Variants in LARGE1 observed in about 807,000 individuals in gnomAD.
LARGE1 encodes the protein xylosyl- and glucuronyltransferase LARGE1.
LARGE1 carries 43 observed loss-of-function variants against 87.6 expected under a neutral mutation model. That is an observed-to-expected ratio of 0.49 (90% CI 0.38 to 0.63). The LOEUF (loss-of-function observed/expected upper bound fraction) is 0.63. Among genes scored for constraint, LARGE1 ranks in the 30% least tolerant of loss-of-function variants. The probability of loss-of-function intolerance (pLI) is 0.00; values close to 1 mark genes in which losing one functional copy is unlikely to be tolerated. For synonymous variants in LARGE1, 434 were observed against 394.6 expected, an observed-to-expected ratio of 1.10 and a Z score of -1.18; for missense variants, 802 against 1,000.2, an observed-to-expected ratio of 0.80 and a Z score of 2.67.
intron 10 of LARGE1, among the ~76,000 whole-genome samples, chr22:33,336,037 T>C (rs1465080357): frequency 6.6e-6 from 1 of 152,184 alleles, no homozygotes; most frequent in Non-Finnish European, 1.5e-5. Flanking sequence ...CAGTAAATGT[T>C]TGCTGCCTAA....
chr22:33,350,807 C>T (rs887315391), intron 9 of LARGE1, among the ~76,000 whole-genome samples: 5 of 152,172 alleles, frequency 3.3e-5, no homozygotes, highest in Non-Finnish European at 7.3e-5. Context: ...TCAGTCATGC[C>T]TGACCAGCCA....
chr22:33,748,126 T>G (rs2084168310), intron 2 of LARGE1, among the ~76,000 whole-genome samples: 2 of 141,468 alleles, frequency 1.4e-5, no homozygotes, highest in Non-Finnish European at 3.0e-5. Flanking sequence ...TTCCTATCAA[T>G]GCAGGTTTGT....
At chr22:33,115,698 G>C in the LARGE1 span, among the ~76,000 whole-genome samples, 1 of 151,502 alleles carries the variant, frequency 6.6e-6, no homozygotes, top group East Asian at 1.9e-4. Flanking sequence ...CACACCTGTA[G>C]TCCCAGCTAC....
At chr22:33,207,511 C>T (rs2146224122) in intron 11 of LARGE1, among the ~76,000 whole-genome samples, 1 of 152,156 alleles carries the variant, frequency 6.6e-6, no homozygotes, top group East Asian at 1.9e-4. Context: ...CTATGGTACT[C>T]CTCCCCTGCT....
intron 3 of LARGE1, among the ~76,000 whole-genome samples, chr22:33,628,096 CCAAGAAGA>C (rs1156814063): frequency 6.6e-5 from 10 of 152,018 alleles, no homozygotes; most frequent in Admixed American, 2.0e-4. Flanking sequence ...ATACCTGCTC[CCAAGAAGA>C]AAGAGGAGGG....
At chr22:33,674,703 T>C (rs995730266) in intron 2 of LARGE1, among the ~76,000 whole-genome samples, 1 of 152,114 alleles carries the variant, frequency 6.6e-6, no homozygotes, top group Non-Finnish European at 1.5e-5. Flanking sequence ...CCATTGGTCC[T>C]TCAGATAAAG....
At chr22:33,832,566 C>T (rs115722368) in intron 1 of LARGE1, among the ~76,000 whole-genome samples, 2,350 of 152,314 alleles carry the variant, frequency 0.015, 69 homozygotes, top group African/African-American at 0.054. Context: ...CAGGCCTCAA[C>T]AGCATGGAAG....
At chr22:33,756,293 G>A (rs1055824847) in intron 2 of LARGE1, among the ~76,000 whole-genome samples, 1 of 152,190 alleles carries the variant, frequency 6.6e-6, no homozygotes, top group Admixed American at 6.5e-5. Flanking sequence ...CGGCACTACA[G>A]TAGGTGCTAG....
intron 6 of LARGE1, among the ~76,000 whole-genome samples, chr22:33,542,755 C>T (rs1228960212): frequency 2.0e-5 from 3 of 151,692 alleles, no homozygotes; most frequent in Non-Finnish European, 4.4e-5. Context: ...ACTGGGCCCA[C>T]CTACTCAAAT....
the LARGE1 span, among the ~76,000 whole-genome samples, chr22:33,100,349 CAAAAAAA>C: frequency 5.5e-4 from 36 of 65,312 alleles, no homozygotes; most frequent in Middle Eastern, 9.4e-3. Flanking sequence ...GACTCCATCT[CAAAAAAA>C]AAAAAAAAAA....
chr22:33,393,491 G>T (rs1025704417), intron 7 of LARGE1, among the ~76,000 whole-genome samples: 3 of 152,206 alleles, frequency 2.0e-5, no homozygotes, highest in Non-Finnish European at 4.4e-5. Flanking sequence ...AGTGACTACT[G>T]CTTCAAGTTA....
At chr22:33,916,557 A>C (rs1409663639) in intron 1 of LARGE1, among the ~76,000 whole-genome samples, 1 of 152,200 alleles carries the variant, frequency 6.6e-6, no homozygotes, top group Non-Finnish European at 1.5e-5. Flanking sequence ...CTCCATGTAG[A>C]GCGACCTCAC....
intron 2 of LARGE1, among the ~76,000 whole-genome samples, chr22:33,695,108 C>CTTTTT (rs71320988): frequency 7.1e-6 from 1 of 140,092 alleles, no homozygotes. Flanking sequence ...TTCTTTCTTT[C>CTTTTT]TTTTTTTTTT....
chr22:33,365,843 T>C (rs2064567475), intron 9 of LARGE1, among the ~76,000 whole-genome samples: 1 of 152,208 alleles, frequency 6.6e-6, no homozygotes, highest in Admixed American at 6.5e-5. Context: ...ATCGAACTCC[T>C]GAGCTCAAGT....
Position 33,726,670 on chromosome 22 carries a change from T to G in LARGE1, c.106+34701A>C, listed in dbSNP as rs985298811. Reference sequence around the variant, plus strand: ...GCTGGAAATATTCTAATGCCAGATGTGCAAAGTCCTTTTTAATATGGTGTA... The same window carrying G: ...GCTGGAAATATTCTAATGCCAGATGGGCAAAGTCCTTTTTAATATGGTGTA... On this transcript the variant is annotated intron_variant, in intron 2 of 14. Transcript: ENST00000397394. 6.6e-5 allele frequency among the ~76,000 whole-genome samples: 10 copies of G among 152,316 alleles called. No individual in the cohort carries two copies. In the East Asian group the frequency reaches 1.9e-3, roughly 29 times the overall value.
the LARGE1 span, among the ~76,000 whole-genome samples, chr22:33,074,862 A>C: frequency 6.6e-6 from 1 of 152,112 alleles, no homozygotes; most frequent in East Asian, 1.9e-4. Flanking sequence ...TATATTTGAC[A>C]TTTACTGAGT....
chr22:33,448,884 T>A (rs1250572745), intron 6 of LARGE1, among the ~76,000 whole-genome samples: 1 of 152,230 alleles, frequency 6.6e-6, no homozygotes, highest in Non-Finnish European at 1.5e-5. Context: ...AGTCTTCTTG[T>A]GCTCTTTTTG....
intron 6 of LARGE1, among the ~76,000 whole-genome samples, chr22:33,564,137 T>C (rs1331392839): frequency 6.6e-6 from 1 of 152,230 alleles, no homozygotes; most frequent in Non-Finnish European, 1.5e-5. Context: ...TTTCTCATTG[T>C]ACTCATCCAG....
intron 11 of LARGE1, among the ~76,000 whole-genome samples, chr22:33,169,185 TC>T (rs2146131900): frequency 6.6e-6 from 1 of 152,374 alleles, no homozygotes; most frequent in African/African-American, 2.4e-5. Flanking sequence ...TAAAAATCTG[TC>T]CTGTTACAAA....
Sources: gnomAD v4.1 joint callset for allele counts (sites outside exome capture counted in the v4.1 genomes callset) on GRCh38, gnomAD v4.1.1 for gene constraint, MANE v1.5 for transcripts, NCBI Gene and HGNC (gene_info 2026-07-23, HGNC 2026-07-21) for gene names.